ZFR2: variants seen among roughly 807,000 people sequenced by gnomAD.
ZFR2 encodes zinc finger RNA-binding protein 2.
ZFR2 carries 104 observed loss-of-function variants against 105.7 expected under a neutral mutation model. The observed-to-expected ratio is 0.98, with a 90% confidence interval of 0.84 to 1.16. The LOEUF is 1.16. Ranked by LOEUF, ZFR2 falls within the 50% of genes most tolerant of loss-of-function variation. The pLI is 0.00. For synonymous variants in ZFR2, 634 were observed against 597.7 expected (o/e 1.06, Z -0.89); for missense variants, 1,425 against 1,355.5 (o/e 1.05, Z -0.80).
At chr19:3,809,099 C>T (rs2037734882) in intron 16 of ZFR2, 116 bp from the exon 17 acceptor site, 2 of 733,304 alleles carry the variant, frequency 2.7e-6, no homozygotes, top group South Asian at 2.2e-5. Context: ...CTCTAACTCC[C>T]ACCACCCACT....
chr19:3,834,805 C>T lies in ZFR2; in HGVS notation c.232G>A (p.Val78Ile), dbSNP rs61747146. Reference protein sequence around the residue: ...FAYGSRPQEPVPTATTMATYQ... With the variant: ...FAYGSRPQEPIPTATTMATYQ... The stretch of plus-strand genomic sequence containing the variant: ...GTAGCCATGGTGGTGGCCGTGGGGA[C>T]GGGCTCCTGGGGTCGGCTGCCGTAG... Residue 78 changes from valine (V) to isoleucine (I), a missense_variant, in exon 2 of 19, where the codon GTC becomes ATC. By Grantham distance (29) the Val-to-Ile change is conservative. Transcript: ENST00000262961. This position sits in a 1 kb window ranked among gnomAD's most constrained non-coding sequence, Gnocchi z 5.3. 24 of 1,612,186 alleles carry T rather than the reference C, an allele frequency of 1.5e-5. No homozygotes were observed. Among genetic ancestry groups the T allele is most frequent in the East Asian group, 2.2e-5 (1 of 44,886 alleles).
chr19:3,817,641 C>T (rs1398753152), intron 12 of ZFR2, among the ~76,000 whole-genome samples: 1 of 145,306 alleles, frequency 6.9e-6, no homozygotes, highest in Non-Finnish European at 1.5e-5. Flanking sequence ...CCTGTAGTTC[C>T]AGTACTTGGA....
rs2037706428 is a variant in ZFR2, at chr19:3,807,235, G to T, written c.2580C>A (p.Asp860Glu). ...GPGLQDPCER[D>E]QTDALEPMTL... ...TCATGGGCTCGAGGGCATCTGTCTG[G>T]TCTCTCTCGCAGGGATCCTGGAGCC... The change falls in exon 18 of 19, where the codon GAC (aspartate) becomes GAA (glutamate). Residue 860 changes from aspartate (D) to glutamate (E), a missense_variant. By Grantham distance (45) the Asp-to-Glu change is conservative (BLOSUM62 2). Transcript: ENST00000262961. 1 of 1,561,750 alleles carries T rather than the reference G, an allele frequency of 6.4e-7. No individual in the cohort carries two copies. Among genetic ancestry groups the T allele is most frequent in the Non-Finnish European group, 8.7e-7 (1 of 1,152,248 alleles).
At position 3,818,702 on chromosome 19, in the gene ZFR2, T is replaced by C. The variant is rs140154993; in HGVS notation, c.1931+343A>G. On this transcript the variant is annotated intron_variant, in intron 12 of 18. Transcript: ENST00000262961. ...TCACTCCCCAAGGCGGAGAAGTCCG[T>C]CAGAATCACGCTCAGCTTTTCCTTT... Among the ~76,000 whole-genome samples the C allele has an allele frequency of 4.6e-5, 7 of 152,290 alleles. No homozygotes were observed. The East Asian group carries it at 1.3e-3, about 29-fold the overall frequency.
intron 12 of ZFR2, 123 bp from the exon 13 acceptor site, chr19:3,816,968 A>C: frequency 1.1e-6 from 1 of 884,168 alleles, no homozygotes; most frequent in Non-Finnish European, 1.7e-6. Context: ...CGGCATCCTC[A>C]TCCATGAAAT....
chr19:3,816,928 C>G, intron 12 of ZFR2, 83 bp from the exon 13 acceptor site: 2 of 1,311,262 alleles, frequency 1.5e-6, no homozygotes, highest in Non-Finnish European at 2.1e-6. Flanking sequence ...GCTACGGGGA[C>G]CCTGCAAGTT....
intron 6 of ZFR2, among the ~76,000 whole-genome samples, chr19:3,825,932 A>G (rs1403976527): frequency 6.6e-6 from 1 of 152,110 alleles, no homozygotes; most frequent in African/African-American, 2.4e-5. Flanking sequence ...CCGTGTGCAC[A>G]GGGCCACTGT....
chr19:3,825,175 C>T (rs767979864), intron 7 of ZFR2, 55 bp downstream of exon 7: 43 of 1,403,530 alleles, frequency 3.1e-5, no homozygotes, highest in Non-Finnish European at 4.0e-5. Context: ...ACGAAACTTT[C>T]ACTAGGCGGC....
At chr19:3,814,085 C>T (rs544718222) in intron 13 of ZFR2, 127 bp from the exon 14 acceptor site, 558 of 1,406,888 alleles carry the variant, frequency 4.0e-4, no homozygotes, top group Non-Finnish European at 5.0e-4. Context: ...GCCTGGGTGC[C>T]GGGCCCTGTG....
At chr19:3,824,653 G>A (rs2037929415) in intron 7 of ZFR2, among the ~76,000 whole-genome samples, 1 of 151,994 alleles carries the variant, frequency 6.6e-6, no homozygotes, top group Non-Finnish European at 1.5e-5. Flanking sequence ...TCTACCAGAA[G>A]AGGCCGGGCG....
chr19:3,855,435 G>A (rs2038286373), intron 1 of ZFR2: 1 of 1,231,678 alleles, frequency 8.1e-7, no homozygotes. Context: ...CGGGCGATCC[G>A]GCGGCAGATT....
At chr19:3,833,262 A>AGT (rs1406592553) in intron 3 of ZFR2, among the ~76,000 whole-genome samples, 4 of 130,948 alleles carry the variant, frequency 3.1e-5, no homozygotes, top group South Asian at 2.5e-4. Flanking sequence ...AAAAAAAAAA[A>AGT]AAAAGAAAAG....
At chr19:3,867,355 G>A (rs1332739483) in intron 1 of ZFR2, among the ~76,000 whole-genome samples, 2 of 152,056 alleles carry the variant, frequency 1.3e-5, no homozygotes, top group Admixed American at 6.5e-5. Flanking sequence ...TCCCGGACTG[G>A]GACTCCAGTC....
chr19:3,807,991 G>A (rs1399554391), intron 17 of ZFR2, among the ~76,000 whole-genome samples: 3 of 149,804 alleles, frequency 2.0e-5, no homozygotes, highest in Admixed American at 6.7e-5. Flanking sequence ...GTGTGCCCGT[G>A]TGTGCAGGTA....
chr19:3,806,441 T>C (rs1031403501), intron 18 of ZFR2, among the ~76,000 whole-genome samples: 5 of 152,172 alleles, frequency 3.3e-5, no homozygotes, highest in South Asian at 2.1e-4. Context: ...TTTGTATTTT[T>C]AGTAGAGACA....
At chr19:3,831,025 GCA>G (rs1046997622) in intron 5 of ZFR2, among the ~76,000 whole-genome samples, 1 of 151,316 alleles carries the variant, frequency 6.6e-6, no homozygotes, top group Non-Finnish European at 1.5e-5. Context: ...GCACACATGC[GCA>G]CACATACGTG....
At chr19:3,820,807 G>A (rs1281399559) in intron 10 of ZFR2, among the ~76,000 whole-genome samples, 2 of 140,742 alleles carry the variant, frequency 1.4e-5, no homozygotes, top group Admixed American at 1.4e-4. Flanking sequence ...CAGGGGTCAG[G>A]GGTCACATGG....
At chr19:3,844,971 G>A (rs1381887190) in intron 1 of ZFR2, among the ~76,000 whole-genome samples, 1 of 152,014 alleles carries the variant, frequency 6.6e-6, no homozygotes, top group Non-Finnish European at 1.5e-5. Context: ...AGGTGGTCAT[G>A]GCCAAGTACC....
At chr19:3,852,095 G>A (rs757841921) in intron 1 of ZFR2, 19 of 313,608 alleles carry the variant, frequency 6.1e-5, no homozygotes, top group South Asian at 9.1e-5. Flanking sequence ...TGGCCAAGGC[G>A]GTGCTCAGCT....
Sources: allele counts gnomAD v4.1 joint callset (sites outside exome capture counted in the v4.1 genomes callset), GRCh38; gene constraint gnomAD v4.1.1; non-coding constraint Gnocchi (gnomAD v3.1); transcripts MANE v1.5; gene names NCBI Gene and HGNC (gene_info 2026-07-23, HGNC 2026-07-21).